SPACA7: variants seen among roughly 807,000 people sequenced by gnomAD.
SPACA7 encodes sperm acrosome-associated protein 7.
SPACA7 carries 19 observed loss-of-function variants against 26.3 expected under a neutral mutation model. That is an observed-to-expected ratio of 0.72 (90% CI 0.50 to 1.06). The LOEUF is 1.06. Among genes scored for constraint, SPACA7 ranks in the 50% least tolerant of loss-of-function variants. SPACA7 has a pLI of 0.00. For missense variants in SPACA7, 211 were observed against 229.9 expected (o/e 0.92, Z 0.53); for synonymous variants, 84 against 84.5 (o/e 0.99, Z 0.04).
intron 5 of SPACA7, among the ~76,000 whole-genome samples, chr13:112,421,446 T>C (rs747399779): frequency 4.6e-5 from 7 of 151,982 alleles, no homozygotes; most frequent in Non-Finnish European, 8.8e-5. Context: ...TATTTAAAAA[T>C]ACCCAATTAA....
chr13:112,397,470 C>T (rs1566466148), intron 2 of SPACA7, among the ~76,000 whole-genome samples: 2 of 152,206 alleles, frequency 1.3e-5, no homozygotes, highest in Admixed American at 1.3e-4. Flanking sequence ...GGCAAATACA[C>T]ACCCCCATTT....
At position 112,398,120 on chromosome 13, in the gene SPACA7, A is replaced by C; in HGVS notation, c.223A>C (p.Thr75Pro). 6.2e-7 allele frequency: 1 copy of C among 1,613,684 alleles called. No homozygotes were observed. Among genetic ancestry groups the C allele is most frequent in the Non-Finnish European group, 8.5e-7 (1 of 1,179,592 alleles). Residue 75 changes from threonine to proline, a missense_variant, in exon 3 of 7, where the codon ACA becomes CCA. Physicochemically the swap from Thr to Pro is conservative, Grantham distance 38. Transcript: ENST00000283550. ...GAGCGAAATGCCAAGTACAGCATCA[A>C]CATTATCAACACCGTTACGTAAGGA... ...TPSEMPSTASTLSTPLHAGID... is the reference protein window; with the variant it reads ...TPSEMPSTASPLSTPLHAGID...
At chr13:112,423,369 G>T (rs1192583011) in intron 5 of SPACA7, among the ~76,000 whole-genome samples, 1 of 152,168 alleles carries the variant, frequency 6.6e-6, no homozygotes, top group Non-Finnish European at 1.5e-5. Context: ...TCATGGCATA[G>T]AAATGGAATT....
At chr13:112,408,325 C>A (rs1311867426) in intron 5 of SPACA7, among the ~76,000 whole-genome samples, 1 of 152,172 alleles carries the variant, frequency 6.6e-6, no homozygotes, top group African/African-American at 2.4e-5. Flanking sequence ...GGGATACCCT[C>A]TCTCACCACT....
At chr13:112,384,986 C>T (rs1391445976) in intron 1 of SPACA7, among the ~76,000 whole-genome samples, 2 of 152,158 alleles carry the variant, frequency 1.3e-5, no homozygotes, top group East Asian at 3.8e-4. Context: ...TTTTTATAAA[C>T]TTTTAGAAAC....
intron 5 of SPACA7, among the ~76,000 whole-genome samples, chr13:112,405,973 C>G (rs1885963534): frequency 6.6e-6 from 1 of 152,128 alleles, no homozygotes; most frequent in African/African-American, 2.4e-5. Flanking sequence ...ACCACTATCT[C>G]TCTGCTTTCA....
chr13:112,392,464 C>T (rs1386643628), intron 1 of SPACA7, among the ~76,000 whole-genome samples: 2 of 152,184 alleles, frequency 1.3e-5, no homozygotes, highest in Non-Finnish European at 2.9e-5. Flanking sequence ...GGGGGTGGCC[C>T]ATCTCTCTGA....
intron 1 of SPACA7, among the ~76,000 whole-genome samples, chr13:112,377,425 C>G (rs1883765851): frequency 6.6e-6 from 1 of 152,164 alleles, no homozygotes. Flanking sequence ...AAATTTCTAA[C>G]TTGGAAGAAT....
chr13:112,413,379 TC>T (rs1886477624), intron 5 of SPACA7, among the ~76,000 whole-genome samples: 1 of 151,034 alleles, frequency 6.6e-6, no homozygotes, highest in Non-Finnish European at 1.5e-5. Flanking sequence ...TTTTTTTTTT[TC>T]CTTTAGCACT....
rs1404454678 is a variant in SPACA7, at chr13:112,399,148, C to T, written c.324C>T (p.Gly108=). 6 of 1,602,086 alleles carry T rather than the reference C, an allele frequency of 3.7e-6. No homozygotes were observed. In the Middle Eastern group the frequency reaches 5.0e-4, roughly 133 times the overall value. ...ELLENLQFSP[G]IEVKISNDEA... is the part of the protein sequence containing the mutation. ...TAGAGAATTTACAATTCTCTCCTGG[C>T]ATTGAGGTCAAAATTTCCAATGATG... The change falls in exon 4 of 7, where the codon GGC becomes GGT. Residue 108 remains glycine (G), a synonymous_variant. Transcript: ENST00000283550.
In SPACA7 at chr13:112,393,134, G is replaced by T. The variant is rs1486167823; in HGVS notation, c.151+57G>T. The T allele has an allele frequency of 8.5e-6, 12 of 1,417,332 alleles. No individual in the cohort carries two copies. In the East Asian group the frequency reaches 2.5e-4, roughly 30 times the overall value. The allele number at this position is 1,417,332 out of a possible 1,614,324, so 87.8% of individuals were successfully genotyped here. On this transcript the variant is annotated intron_variant, in intron 2 of 6. Transcript: ENST00000283550. ...TGTACGTGAAGAGGGCTGGATGGTT[G>T]TCTGTGGCTGTTTCCCAGATAACCT...
rs149094765 is a variant in SPACA7, at chr13:112,424,532, T to G, written c.446-7912T>G. On this transcript the variant is annotated intron_variant, in intron 5 of 6. Coordinates refer to ENST00000283550, the MANE Select transcript of SPACA7 (RefSeq NM_145248.5). ...GTGTTGGGGGGCTTGGTGCTTTTCATTAAAAGAAAAATCCATCCTGAAATT... is the reference window on the plus strand; with the variant it reads ...GTGTTGGGGGGCTTGGTGCTTTTCAGTAAAAGAAAAATCCATCCTGAAATT... 1.8e-3 allele frequency among the ~76,000 whole-genome samples: 281 copies of G among 152,210 alleles called. 2 individuals carry two copies. Among genetic ancestry groups the G allele is most frequent in the Non-Finnish European group, 3.3e-3 (221 of 67,996 alleles).
At position 112,376,406 on chromosome 13, in the gene SPACA7, C is replaced by G; in HGVS notation, c.21C>G (p.Asp7Glu). Reference protein sequence around the residue: MAVSQGDGTLCFVLLLC... With the variant: MAVSQGEGTLCFVLLLC... ...GGAGCATGGCAGTGAGCCAAGGAGA[C>G]GGGACCCTCTGCTTTGTCCTCCTGC... The change falls in exon 1 of 7, where the codon GAC becomes GAG. Residue 7 changes from aspartate (D) to glutamate (E), a missense_variant. Coordinates refer to ENST00000283550, the MANE Select transcript of SPACA7 (RefSeq NM_145248.5). 1 of 1,613,664 alleles carries G rather than the reference C, an allele frequency of 6.2e-7. No homozygotes were observed. The highest frequency in any genetic ancestry group is 8.5e-7 in the Non-Finnish European group (1 of 1,179,846).
chr13:112,408,704 T>G (rs1886151466), intron 5 of SPACA7, among the ~76,000 whole-genome samples: 4 of 151,672 alleles, frequency 2.6e-5, no homozygotes, highest in Admixed American at 2.6e-4. Flanking sequence ...AAACCACTGC[T>G]CAACAAAATA....
intron 1 of SPACA7, among the ~76,000 whole-genome samples, chr13:112,377,361 T>C (rs1883761900): frequency 6.6e-6 from 1 of 152,238 alleles, no homozygotes; most frequent in South Asian, 2.1e-4. Flanking sequence ...TTTTAAAATC[T>C]AGACATCCAT....
chr13:112,391,720 G>A (rs1258504336), intron 1 of SPACA7, among the ~76,000 whole-genome samples: 1 of 152,160 alleles, frequency 6.6e-6, no homozygotes, highest in African/African-American at 2.4e-5. Context: ...TGGCTGACTT[G>A]CACAATACTT....
chr13:112,416,789 A>G (rs1020790019), intron 5 of SPACA7, among the ~76,000 whole-genome samples: 3 of 148,628 alleles, frequency 2.0e-5, no homozygotes, highest in Admixed American at 6.7e-5. Context: ...AGTCATTTAC[A>G]TATATGATTA....
chr13:112,376,534 G>T, intron 1 of SPACA7, 55 bp downstream of exon 1: 1 of 1,564,614 alleles, frequency 6.4e-7, no homozygotes. Context: ...GGTGGGGAGC[G>T]GCGGCCTCTT....
chr13:112,394,039 G>T (rs1040400624), intron 2 of SPACA7, among the ~76,000 whole-genome samples: 2 of 151,156 alleles, frequency 1.3e-5, no homozygotes, highest in Non-Finnish European at 2.9e-5. Flanking sequence ...TTTATTTCAC[G>T]TGATGATTTC....
Sources: gnomAD v4.1 joint callset for allele counts (sites outside exome capture counted in the v4.1 genomes callset) on GRCh38, gnomAD v4.1.1 for gene constraint, MANE v1.5 for transcripts, NCBI Gene and HGNC (gene_info 2026-07-23, HGNC 2026-07-21) for gene names.